Variants in FRS2 observed in about 807,000 individuals in gnomAD.
FRS2 encodes the protein FGFR signalling adaptor.
In FRS2, 8 loss-of-function variants were observed where a neutral mutation model predicts 43.9. The observed-to-expected ratio is 0.18, with a 90% CI of 0.11 to 0.33. The LOEUF (loss-of-function observed/expected upper bound fraction) is 0.33. Ranked by LOEUF, FRS2 falls within the 10% of genes least tolerant of loss-of-function variation. The pLI is 1.00. For missense variants in FRS2, 534 were observed against 627.6 expected (o/e 0.85, Z 1.59); for synonymous variants, 219 against 220.3 (o/e 0.99, Z 0.05).
rs1485527843 is a variant in FRS2 at position 69,569,083 on chromosome 12, G to A, written c.53G>A (p.Arg18Gln). 6.8e-6 allele frequency: 11 copies of A among 1,609,460 alleles called. No homozygotes were observed. Among genetic ancestry groups the A allele is most frequent in the Admixed American group, 3.3e-5 (2 of 59,828 alleles). ...PDKDTVPDNH[R>Q]NKFKVINVDD... ...AAAGACACTGTCCCAGATAACCATCGGAACAAGTTTAAGGTCAGTAAAACT... is the reference window on the plus strand; with the variant it reads ...AAAGACACTGTCCCAGATAACCATCAGAACAAGTTTAAGGTCAGTAAAACT... The change falls in exon 5 of 9, where the codon CGG becomes CAG. Residue 18 changes from arginine (R) to glutamine (Q), a missense_variant. Physicochemically the swap from Arg to Gln is conservative, Grantham distance 43. This residue lies in a region of FRS2 where 76 missense variants were observed against 90.5 expected (regional missense o/e 0.84). Transcript: ENST00000549921.
chr12:69,480,546 A>G (rs1208868180), intron 1 of FRS2, among the ~76,000 whole-genome samples: 2 of 152,266 alleles, frequency 1.3e-5, no homozygotes, highest in African/African-American at 2.4e-5. Context: ...GCACACTACA[A>G]CCTCAAATTT....
intron 1 of FRS2, among the ~76,000 whole-genome samples, chr12:69,514,589 T>G (rs1387475186): frequency 6.6e-6 from 1 of 152,148 alleles, no homozygotes; most frequent in African/African-American, 2.4e-5. Flanking sequence ...TCCCAGCACT[T>G]TAGGAGGCTG....
chr12:69,526,613 T>C (rs1876255109), intron 1 of FRS2, among the ~76,000 whole-genome samples: 1 of 152,204 alleles, frequency 6.6e-6, no homozygotes, highest in South Asian at 2.1e-4. Flanking sequence ...ATAGAACTAA[T>C]AATTTCATTA....
rs1385512738 is a variant in FRS2, at chr12:69,571,422, C to G, written c.400C>G (p.Arg134Gly). 4 of 1,611,738 alleles carry G rather than the reference C, an allele frequency of 2.5e-6. No homozygotes were observed. The highest frequency in any genetic ancestry group is 4.5e-5 in the East Asian group (2 of 44,838). ...QTELEVPRTPRTPTTPGFAAQ... is the reference protein window; with the variant it reads ...QTELEVPRTPGTPTTPGFAAQ... The stretch of plus-strand genomic sequence containing the variant: ...AGAATTGGAAGTCCCTAGAACACCT[C>G]GAACACCTACAAGTAAGTACCCCTT... Residue 134 changes from arginine (R) to glycine (G), a missense_variant, in exon 7 of 9, where the codon CGA becomes GGA. Physicochemically the swap from Arg to Gly is moderately radical, Grantham distance 125. Transcript: ENST00000549921.
intron 1 of FRS2, among the ~76,000 whole-genome samples, chr12:69,480,731 C>T (rs1042419915): frequency 1.3e-5 from 2 of 152,030 alleles, no homozygotes; most frequent in African/African-American, 4.8e-5. Flanking sequence ...TAGTCTTATT[C>T]CTTTTCTTGG....
At position 69,516,509 on chromosome 12, in the gene FRS2, C is replaced by T. The variant is rs146223701; in HGVS notation, c.-260-14356C>T. 3.5e-3 allele frequency among the ~76,000 whole-genome samples: 539 copies of T among 152,252 alleles called. 3 individuals carry two copies. Among genetic ancestry groups the T allele is most frequent in the Middle Eastern group, 0.02 (6 of 294 alleles). On this transcript the variant is annotated intron_variant, in intron 1 of 8. Transcript: ENST00000549921. ...CTGGGATTACAGGCGTGAGCCACTG[C>T]GCCCGGCCAAAAGTGAGTAGATTAA...
chr12:69,472,438 A>G (rs1026104014), intron 1 of FRS2, among the ~76,000 whole-genome samples: 4 of 152,100 alleles, frequency 2.6e-5, no homozygotes, highest in Non-Finnish European at 5.9e-5. Flanking sequence ...AGCTTCTTCC[A>G]CATGTGAAGT....
chr12:69,568,115 C>T (rs1880445653), intron 4 of FRS2, among the ~76,000 whole-genome samples: 1 of 152,034 alleles, frequency 6.6e-6, no homozygotes, highest in East Asian at 1.9e-4. Flanking sequence ...TTGGAGTGTT[C>T]TTAAACACTC....
At chr12:69,544,825 C>CT (rs1878230070) in intron 3 of FRS2, among the ~76,000 whole-genome samples, 2 of 152,186 alleles carry the variant, frequency 1.3e-5, no homozygotes, top group South Asian at 4.1e-4. Context: ...AGATTTTCCT[C>CT]TAAGATCAGG....
intron 1 of FRS2, among the ~76,000 whole-genome samples, chr12:69,484,313 T>C (rs537839739): frequency 5.1e-4 from 78 of 152,302 alleles, no homozygotes; most frequent in African/African-American, 1.5e-3. Flanking sequence ...CTCGATCTCC[T>C]GACCTTGTGA....
intron 1 of FRS2, among the ~76,000 whole-genome samples, chr12:69,472,810 T>A (rs1870432049): frequency 6.6e-6 from 1 of 152,232 alleles, no homozygotes; most frequent in Admixed American, 6.5e-5. Context: ...AGTTGAGTTG[T>A]ATTCTTTAGG....
intron 1 of FRS2, among the ~76,000 whole-genome samples, chr12:69,503,769 A>G (rs1409314294): frequency 6.6e-6 from 1 of 152,202 alleles, no homozygotes; most frequent in African/African-American, 2.4e-5. Flanking sequence ...TGGAGAAGAA[A>G]GCAGAGTGGA....
intron 1 of FRS2, among the ~76,000 whole-genome samples, chr12:69,529,629 A>G (rs562920983): frequency 6.6e-6 from 1 of 151,870 alleles, no homozygotes; most frequent in Admixed American, 6.6e-5. Context: ...TCAAAAATAA[A>G]TAAATAAATA....
chr12:69,500,986 T>C (rs1873387694), intron 1 of FRS2, among the ~76,000 whole-genome samples: 1 of 152,194 alleles, frequency 6.6e-6, no homozygotes, highest in Non-Finnish European at 1.5e-5. Flanking sequence ...ATTAAATCAT[T>C]CTACTTTTCT....
In FRS2 at chr12:69,530,952, A is replaced by G. The variant is rs1876726461; in HGVS notation, c.-173A>G. On this transcript the variant is annotated 5_prime_UTR_variant, in exon 2 of 9. Transcript: ENST00000549921. ...AGTAAGATGCAGCTGTGGCATGTCA[A>G]CCAGCTTGGTAAGTGTGGCCAAATC... 6.6e-6 allele frequency: 1 copy of G among 152,440 alleles called. No homozygotes were observed. The highest frequency in any genetic ancestry group is 2.4e-5 in the African/African-American group (1 of 41,356). 9.4% of individuals were successfully genotyped at this position (152,440 alleles called of 1,614,324 possible).
chr12:69,570,301 A>C (rs768530619), intron 5 of FRS2, 30 bp from the exon 6 acceptor site: 2 of 1,525,404 alleles, frequency 1.3e-6, no homozygotes, highest in Middle Eastern at 3.4e-4. Flanking sequence ...TTGGTGACAT[A>C]TTTGCATGAC....
chr12:69,516,698 C>T (rs1408506112), intron 1 of FRS2, among the ~76,000 whole-genome samples: 2 of 152,132 alleles, frequency 1.3e-5, no homozygotes, highest in East Asian at 3.8e-4. Flanking sequence ...TCCTTATCTC[C>T]ATCTGATCTT....
chr12:69,534,109 C>G (rs1298609619), intron 3 of FRS2, among the ~76,000 whole-genome samples: 4 of 152,120 alleles, frequency 2.6e-5, no homozygotes, highest in Non-Finnish European at 5.9e-5. Flanking sequence ...GTTTAGCAGT[C>G]TTTTTGTTGT....
chr12:69,521,724 C>G (rs1875667736), intron 1 of FRS2, among the ~76,000 whole-genome samples: 1 of 152,110 alleles, frequency 6.6e-6, no homozygotes, highest in African/African-American at 2.4e-5. Context: ...ACGCCATTCT[C>G]CTGCCTCAGC....
Sources: allele counts gnomAD v4.1 joint callset (sites outside exome capture counted in the v4.1 genomes callset), GRCh38; gene constraint gnomAD v4.1.1; regional missense constraint gnomAD v4.1.1; transcripts MANE v1.5; gene names NCBI Gene and HGNC (gene_info 2026-07-23, HGNC 2026-07-21).